The following RNLS variants were observed in gnomAD, a reference collection of about 807,000 sequenced individuals.
RNLS encodes renalase.
RNLS carries 39 observed loss-of-function variants against 39.8 expected under a neutral mutation model. The observed-to-expected ratio is 0.98, with a 90% CI of 0.76 to 1.28. RNLS has a LOEUF of 1.28. RNLS is among the 50% of genes most tolerant of loss of function. The pLI is 0.00. For synonymous variants in RNLS, 147 were observed against 150.7 expected, an observed-to-expected ratio of 0.98 and a Z score of 0.18; for missense variants, 410 against 413.3, an observed-to-expected ratio of 0.99 and a Z score of 0.07.
At chr10:88,449,888 T>C (rs1670101633) in intron 4 of RNLS, among the ~76,000 whole-genome samples, 1 of 152,176 alleles carries the variant, frequency 6.6e-6, no homozygotes, top group Non-Finnish European at 1.5e-5. Flanking sequence ...TCTCTGCTTC[T>C]GGGAGGGTAG....
At chr10:88,344,794 T>C (rs893240931) in intron 5 of RNLS, among the ~76,000 whole-genome samples, 1 of 152,126 alleles carries the variant, frequency 6.6e-6, no homozygotes, top group Non-Finnish European at 1.5e-5. Context: ...CTTCATTTTT[T>C]ACAAACATGA....
At chr10:88,213,222 T>G in the RNLS span, among the ~76,000 whole-genome samples, 11 of 152,064 alleles carry the variant, frequency 7.2e-5, no homozygotes, top group Non-Finnish European at 1.5e-4. Flanking sequence ...TAAAAATAAT[T>G]TGGGGGGCAG....
At chr10:88,486,490 CATCTGTAAGGAA>C (rs1309592997) in intron 4 of RNLS, among the ~76,000 whole-genome samples, 3 of 151,588 alleles carry the variant, frequency 2.0e-5, no homozygotes, top group South Asian at 2.1e-4. Context: ...TAATATCAAG[CATCTGTAAGGAA>C]CTTAAACAAA....
chr10:88,444,933 G>A (rs1841948870), intron 4 of RNLS, among the ~76,000 whole-genome samples: 2 of 152,158 alleles, frequency 1.3e-5, no homozygotes, highest in Non-Finnish European at 2.9e-5. Context: ...AACCTAGCAA[G>A]GCAGGCCAAC....
intron 4 of RNLS, among the ~76,000 whole-genome samples, chr10:88,476,668 T>G (rs1018664562): frequency 2.0e-5 from 3 of 152,168 alleles, no homozygotes; most frequent in Non-Finnish European, 1.5e-5. Context: ...CTCACTAAGT[T>G]GATGTTTTAA....
chr10:88,228,095 T>C, the RNLS span, among the ~76,000 whole-genome samples: 857 of 152,338 alleles, frequency 5.6e-3, 6 homozygotes, highest in African/African-American at 0.019. Flanking sequence ...CTTTGTCATC[T>C]TCAGGTTATT....
Position 88,301,008 on chromosome 10 carries a change from T to G in RNLS, c.876+13458A>C, listed in dbSNP as rs75793685. Among the ~76,000 whole-genome samples the G allele has an allele frequency of 3.4e-3, 517 of 152,324 alleles. 3 individuals are homozygous for G. The highest frequency in any genetic ancestry group is 0.025 in the East Asian group (128 of 5,190). On this transcript the variant is annotated intron_variant, in intron 6 of 6. Transcript: ENST00000331772. Reference sequence around the variant, plus strand: ...GCTGGGGGCAAGTGAATATATTTAGTATTTGCCCAGTGCCAATGACACAGA... The same window carrying G: ...GCTGGGGGCAAGTGAATATATTTAGGATTTGCCCAGTGCCAATGACACAGA...
chr10:88,377,850 T>C (rs1357448982), intron 4 of RNLS, among the ~76,000 whole-genome samples: 10 of 152,224 alleles, frequency 6.6e-5, no homozygotes, highest in Admixed American at 6.5e-4. Context: ...TCCTTAACAT[T>C]TGTACTTTGT....
chr10:88,337,324 C>A (rs1456765508), intron 5 of RNLS, among the ~76,000 whole-genome samples: 2 of 152,156 alleles, frequency 1.3e-5, no homozygotes, highest in Non-Finnish European at 2.9e-5. Flanking sequence ...GTCAGCTGCT[C>A]AGCATCCACT....
chr10:88,379,903 T>C (rs1320262002), intron 4 of RNLS, among the ~76,000 whole-genome samples: 3 of 152,196 alleles, frequency 2.0e-5, no homozygotes, highest in Non-Finnish European at 4.4e-5. Flanking sequence ...TGAGTGAAGA[T>C]GGCTCCTGAA....
the RNLS span, among the ~76,000 whole-genome samples, chr10:88,243,237 C>A: frequency 6.6e-6 from 1 of 152,290 alleles, no homozygotes; most frequent in South Asian, 2.1e-4. Context: ...ATGATAAATT[C>A]AAATTTACAA....
intron 4 of RNLS, among the ~76,000 whole-genome samples, chr10:88,441,751 AT>A (rs1184740263): frequency 6.6e-6 from 1 of 152,170 alleles, no homozygotes; most frequent in African/African-American, 2.4e-5. Context: ...TCAAACAAAC[AT>A]CTAAGATGGG....
At chr10:88,408,019 T>G (rs996270553) in intron 4 of RNLS, among the ~76,000 whole-genome samples, 1 of 152,086 alleles carries the variant, frequency 6.6e-6, no homozygotes. Flanking sequence ...AGTGTGCTGA[T>G]GAAAGATGAA....
chr10:88,436,341 C>T (rs1841409043), intron 4 of RNLS, among the ~76,000 whole-genome samples: 1 of 152,104 alleles, frequency 6.6e-6, no homozygotes, highest in African/African-American at 2.4e-5. Flanking sequence ...GCCTCTTATT[C>T]CCTATCCTAC....
chr10:88,510,332 T>C (rs1354638174), intron 4 of RNLS, among the ~76,000 whole-genome samples: 1 of 151,778 alleles, frequency 6.6e-6, no homozygotes, highest in African/African-American at 2.4e-5. Context: ...GGCAAGAAAA[T>C]AGACAAAAAC....
At chr10:88,535,899 T>C (rs1364050553) in intron 4 of RNLS, among the ~76,000 whole-genome samples, 1 of 152,074 alleles carries the variant, frequency 6.6e-6, no homozygotes, top group East Asian at 1.9e-4. Flanking sequence ...TTAAAGGCTA[T>C]TAAAGAAATA....
At chr10:88,266,390 G>A in the RNLS span, among the ~76,000 whole-genome samples, 1 of 152,254 alleles carries the variant, frequency 6.6e-6, no homozygotes, top group East Asian at 1.9e-4. Context: ...CTGGGTCACT[G>A]GGGAGGCTGC....
intron 4 of RNLS, among the ~76,000 whole-genome samples, chr10:88,390,818 A>C (rs189825935): frequency 1.3e-5 from 2 of 152,338 alleles, no homozygotes; most frequent in African/African-American, 4.8e-5. Flanking sequence ...GAAGTTCCAT[A>C]TCATGTTAGA....
At chr10:88,523,165 C>T (rs1846862379) in intron 4 of RNLS, among the ~76,000 whole-genome samples, 2 of 152,080 alleles carry the variant, frequency 1.3e-5, no homozygotes, top group Admixed American at 6.6e-5. Flanking sequence ...TGAAAAGAAA[C>T]TTTCAGAAGA....
Sources: gnomAD v4.1 joint callset for allele counts (sites outside exome capture counted in the v4.1 genomes callset) on GRCh38, gnomAD v4.1.1 for gene constraint, MANE v1.5 for transcripts, NCBI Gene and HGNC (gene_info 2026-07-23, HGNC 2026-07-21) for gene names.